The following CA10 variants were observed in gnomAD, a reference collection of about 807,000 sequenced individuals.
CA10 encodes carbonic anhydrase-related protein 10.
Under a neutral mutation model 44.2 loss-of-function variants are expected in CA10, and 14 were observed. That is an observed-to-expected ratio of 0.32 (90% CI 0.21 to 0.50). The LOEUF is 0.50. Ranked by LOEUF, CA10 falls within the 20% of genes least tolerant of loss-of-function variation. CA10 has a pLI of 0.99. For synonymous variants in CA10, 159 were observed against 141.6 expected, an observed-to-expected ratio of 1.12 and a Z score of -0.87; for missense variants, 350 against 409.7, an observed-to-expected ratio of 0.85 and a Z score of 1.26.
In CA10 at chr17:51,793,296, A is replaced by C. The variant is rs577977698; in HGVS notation, c.280-45478T>G. Among the ~76,000 whole-genome samples, 17 of 152,278 alleles carry C rather than the reference A, an allele frequency of 1.1e-4. 1 individual carries two copies. In the South Asian group the frequency reaches 2.9e-3, roughly 26 times the overall value. ...TGTATGAATGGCCATTGGGGGAAAA[A>C]ATCAAGGAAACAAAAAATAATATGT... On this transcript the variant is annotated intron_variant, in intron 3 of 8. Coordinates refer to ENST00000451037, the MANE Select transcript of CA10 (RefSeq NM_020178.5).
chr17:51,849,848 G>C (rs1978710448), intron 3 of CA10, among the ~76,000 whole-genome samples: 1 of 152,158 alleles, frequency 6.6e-6, no homozygotes, highest in Admixed American at 6.5e-5. Flanking sequence ...CCAAGAATGA[G>C]ACCACTCTCT....
chr17:52,041,868 T>A (rs887818224), intron 2 of CA10, among the ~76,000 whole-genome samples: 2 of 152,090 alleles, frequency 1.3e-5, no homozygotes, highest in South Asian at 4.1e-4. Flanking sequence ...GCTTGTTTCA[T>A]CTTATATAAT....
intron 2 of CA10, among the ~76,000 whole-genome samples, chr17:51,974,182 G>A (rs1984377078): frequency 6.6e-6 from 1 of 151,878 alleles, no homozygotes; most frequent in Non-Finnish European, 1.5e-5. Context: ...TCAGGAGATC[G>A]AGACCATCCT....
intron 3 of CA10, among the ~76,000 whole-genome samples, chr17:51,788,330 T>C (rs1015464525): frequency 6.6e-6 from 1 of 152,178 alleles, no homozygotes. Context: ...GTATTTCAAG[T>C]TTTTTGAATG....
In CA10 at chr17:51,773,617, C is replaced by CA. The variant is rs547849746; in HGVS notation, c.280-25800dup. Among the ~76,000 whole-genome samples, 343 of 152,356 alleles carry CA rather than the reference C, an allele frequency of 2.3e-3. 2 individuals are homozygous for CA. The highest frequency in any genetic ancestry group is 7.8e-3 in the African/African-American group (323 of 41,584). On this transcript the variant is annotated intron_variant, in intron 3 of 8. Transcript: ENST00000451037. ...CCACGGGAAAACTGTTTAACCAGCC[C>CA]ATGCCTCAGTTTACCCCTCTGTGAA...
intron 4 of CA10, among the ~76,000 whole-genome samples, chr17:51,703,159 G>A (rs1338684881): frequency 1.3e-5 from 2 of 152,078 alleles, no homozygotes; most frequent in Admixed American, 6.5e-5. Context: ...TTTCATGCTC[G>A]GAGGGCAAAG....
chr17:51,668,769 GGAGA>G (rs2143339995), intron 4 of CA10, among the ~76,000 whole-genome samples: 1 of 152,268 alleles, frequency 6.6e-6, no homozygotes, highest in South Asian at 2.1e-4. Flanking sequence ...GGGGAGGGGT[GGAGA>G]GAGAGGCGCA....
At chr17:51,969,246 C>T (rs994167588) in intron 2 of CA10, among the ~76,000 whole-genome samples, 3 of 152,016 alleles carry the variant, frequency 2.0e-5, no homozygotes, top group African/African-American at 2.4e-5. Context: ...TATTTACCAT[C>T]TTCTCTGTGA....
At chr17:51,756,279 T>C (rs1009125523) in intron 3 of CA10, among the ~76,000 whole-genome samples, 2 of 152,120 alleles carry the variant, frequency 1.3e-5, no homozygotes, top group African/African-American at 2.4e-5. Flanking sequence ...GAAGGCATTA[T>C]CCATATTCTG....
At chr17:51,918,522 T>C (rs554509745) in intron 3 of CA10, among the ~76,000 whole-genome samples, 1 of 152,316 alleles carries the variant, frequency 6.6e-6, no homozygotes, top group East Asian at 1.9e-4. Flanking sequence ...AATGAAATCA[T>C]GTACCTTCAT....
chr17:52,050,643 C>A (rs1449754252), intron 2 of CA10, among the ~76,000 whole-genome samples: 1 of 151,956 alleles, frequency 6.6e-6, no homozygotes, highest in Non-Finnish European at 1.5e-5. Flanking sequence ...TATCATCTTC[C>A]AACATGCCAA....
chr17:52,051,784 A>C (rs1404830102), intron 2 of CA10, among the ~76,000 whole-genome samples: 4 of 152,114 alleles, frequency 2.6e-5, no homozygotes, highest in Non-Finnish European at 5.9e-5. Flanking sequence ...CTGAGTATAT[A>C]CCCAAAAGGA....
intron 3 of CA10, among the ~76,000 whole-genome samples, chr17:51,759,503 TTTG>T (rs1905163759): frequency 6.7e-6 from 1 of 149,230 alleles, no homozygotes; most frequent in Non-Finnish European, 1.5e-5. Context: ...ATTTATTTTT[TTTG>T]GTAAGGATAA....
intron 3 of CA10, among the ~76,000 whole-genome samples, chr17:51,858,999 G>T (rs371028636): frequency 2.0e-5 from 3 of 151,972 alleles, no homozygotes; most frequent in South Asian, 4.2e-4. Context: ...GATGTGGTGG[G>T]AATTAAATGA....
intron 2 of CA10, among the ~76,000 whole-genome samples, chr17:52,001,094 C>T (rs575971489): frequency 1.3e-5 from 2 of 152,080 alleles, no homozygotes; most frequent in Non-Finnish European, 2.9e-5. Flanking sequence ...TCTACGAAGA[C>T]CTGGTGCCTT....
chr17:51,682,208 C>T (rs144665988), intron 4 of CA10, among the ~76,000 whole-genome samples: 9 of 152,260 alleles, frequency 5.9e-5, no homozygotes, highest in Non-Finnish European at 7.4e-5. Context: ...ATTTGTTTTC[C>T]GGGCAGAGTC....
At chr17:52,004,704 ATAAT>A (rs955425284) in intron 2 of CA10, among the ~76,000 whole-genome samples, 114 of 152,022 alleles carry the variant, frequency 7.5e-4, no homozygotes, top group African/African-American at 2.6e-3. Context: ...AAGTATTTTA[ATAAT>A]TAATATGTAC....
intron 4 of CA10, among the ~76,000 whole-genome samples, chr17:51,744,515 CA>C (rs1904596827): frequency 1.3e-5 from 2 of 151,876 alleles, no homozygotes; most frequent in South Asian, 2.1e-4. Flanking sequence ...GGGGCCAAGA[CA>C]AAAGAATTGA....
intron 3 of CA10, among the ~76,000 whole-genome samples, chr17:51,883,981 T>C (rs1980486291): frequency 6.6e-6 from 1 of 152,196 alleles, no homozygotes; most frequent in South Asian, 2.1e-4. Flanking sequence ...TTCTGCAAAA[T>C]GATAAAGGAT....
Sources: gnomAD v4.1 joint callset for allele counts (sites outside exome capture counted in the v4.1 genomes callset) on GRCh38, gnomAD v4.1.1 for gene constraint, MANE v1.5 for transcripts, NCBI Gene and HGNC (gene_info 2026-07-23, HGNC 2026-07-21) for gene names.